Variants in WDR59 observed in about 807,000 individuals in gnomAD.
WDR59 encodes the protein WD repeat domain 59.
In WDR59, 100 loss-of-function variants were observed where a neutral mutation model predicts 131.2. The ratio of observed to expected loss-of-function variants is 0.76; its 90% CI spans 0.65 to 0.90. The LOEUF (loss-of-function observed/expected upper bound fraction) is 0.90, where lower values mean the gene tolerates loss of function less well. WDR59 is among the 40% of genes least tolerant of loss of function. WDR59 has a pLI of 0.00. For synonymous variants in WDR59, 601 were observed against 466.2 expected (o/e 1.29, Z -3.72); for missense variants, 1,203 against 1,262.2 (o/e 0.95, Z 0.71).
chr16:74,980,724 C>T (rs578243986), intron 1 of WDR59, among the ~76,000 whole-genome samples: 3 of 152,134 alleles, frequency 2.0e-5, no homozygotes, highest in South Asian at 4.1e-4. Flanking sequence ...TGTAATCCAG[C>T]GCTTTGGGAG....
intron 8 of WDR59, among the ~76,000 whole-genome samples, chr16:74,933,628 C>T (rs142544947): frequency 6.6e-6 from 1 of 152,256 alleles, no homozygotes; most frequent in East Asian, 1.9e-4. Context: ...TCTTGTCGCC[C>T]AGGCTGGAGT....
intron 1 of WDR59, among the ~76,000 whole-genome samples, chr16:74,969,255 A>AGT (rs958339428): frequency 3.3e-5 from 5 of 151,894 alleles, no homozygotes; most frequent in African/African-American, 1.2e-4. Context: ...GCTACTTATA[A>AGT]ATATATATAT....
At chr16:74,944,560 G>A (rs376951989) in intron 6 of WDR59, among the ~76,000 whole-genome samples, 3 of 151,634 alleles carry the variant, frequency 2.0e-5, no homozygotes, top group African/African-American at 4.9e-5. Context: ...TACTCACAAC[G>A]TGACTCCCTA....
At chr16:74,939,099 G>A (rs2032027560) in intron 7 of WDR59, among the ~76,000 whole-genome samples, 1 of 151,784 alleles carries the variant, frequency 6.6e-6, no homozygotes, top group East Asian at 2.0e-4. Flanking sequence ...AGGCCAAGGT[G>A]GGTGGATCAC....
intron 25 of WDR59, among the ~76,000 whole-genome samples, chr16:74,882,350 T>G (rs1964528417): frequency 1.3e-5 from 2 of 152,234 alleles, no homozygotes; most frequent in African/African-American, 2.4e-5. Flanking sequence ...GCCTTTACAT[T>G]TCTTCAAGTA....
intron 8 of WDR59, among the ~76,000 whole-genome samples, chr16:74,933,894 T>C (rs1045165256): frequency 2.6e-5 from 4 of 152,200 alleles, no homozygotes; most frequent in Admixed American, 2.0e-4. Context: ...ATTTCTTATC[T>C]TTAGACCCTT....
rs201234819 is a variant in WDR59, at chr16:74,904,044, C to A, written c.1769G>T (p.Arg590Leu). Residue 590 changes from arginine (R) to leucine (L), a missense_variant, in exon 18 of 26, where the codon CGC becomes CTC. Physicochemically the swap from Arg to Leu is moderately radical, Grantham distance 102. Transcript: ENST00000262144. ...HTGLIAPMKI[R>L]TEAPGNLRLY... ...ACGAAGGTTCCCAGGGGCCTCTGTG[C>A]GGATCTTCATGGGCGCGATCAAGCC... The A allele has an allele frequency of 1.2e-6, 2 of 1,613,092 alleles. No individual in the cohort carries two copies. The highest frequency in any genetic ancestry group is 1.7e-6 in the Non-Finnish European group (2 of 1,179,730).
Position 74,948,571 on chromosome 16 carries a change from T to C in WDR59, c.408-15A>G, listed in dbSNP as rs759369710. On this transcript the variant is annotated splice_polypyrimidine_tract_variant and intron_variant, in intron 5 of 25. Coordinates refer to ENST00000262144, the MANE Select transcript of WDR59 (RefSeq NM_030581.4). ...TCCTTGTGTCTCTGAAATATAAAAA[T>C]AAAAAATCAAATCCCCAATTTATAT... 1.4e-5 allele frequency: 22 copies of C among 1,610,710 alleles called. No homozygotes were observed. The East Asian group carries it at 4.7e-4, about 34-fold the overall frequency.
At chr16:74,955,178 G>C (rs984542558) in intron 3 of WDR59, among the ~76,000 whole-genome samples, 4 of 152,210 alleles carry the variant, frequency 2.6e-5, no homozygotes, top group Admixed American at 6.5e-5. Flanking sequence ...AATCCACTGA[G>C]TACAACAACT....
In WDR59 at chr16:74,924,269, A is replaced by C. The variant is rs2030555191; in HGVS notation, c.652-266T>G. Reference sequence around the variant, plus strand: ...CACTGTCAACAGGTTTGATTACGAAATGACCTTTAGAGCTGAAAATTCAGA... The same window carrying C: ...CACTGTCAACAGGTTTGATTACGAACTGACCTTTAGAGCTGAAAATTCAGA... On this transcript the variant is annotated intron_variant, in intron 8 of 25. Transcript: ENST00000262144. Among the ~76,000 whole-genome samples the C allele has an allele frequency of 2.6e-5, 4 of 152,186 alleles. No individual in the cohort carries two copies. The South Asian group carries it at 8.3e-4, about 32-fold the overall frequency.
intron 1 of WDR59, chr16:74,984,582 T>A: frequency 3.6e-6 from 1 of 279,136 alleles, no homozygotes; most frequent in Non-Finnish European, 7.0e-6. Context: ...AGCTGAGACT[T>A]AGAAAAGTCC....
At chr16:74,885,510 T>G (rs1448078354) in intron 25 of WDR59, 143 bp downstream of exon 25, 3 of 843,344 alleles carry the variant, frequency 3.6e-6, no homozygotes, top group Non-Finnish European at 5.0e-6. Context: ...GCTTTTCAGA[T>G]GCTTGGAATA....
At chr16:74,905,663 C>A (rs1965771591) in intron 17 of WDR59, among the ~76,000 whole-genome samples, 2 of 150,970 alleles carry the variant, frequency 1.3e-5, no homozygotes, top group Middle Eastern at 3.4e-3. Context: ...GCCTGGGCAA[C>A]AGAGCGAGAT....
intron 13 of WDR59, among the ~76,000 whole-genome samples, chr16:74,914,037 A>C (rs1966240011): frequency 6.6e-6 from 1 of 152,164 alleles, no homozygotes; most frequent in African/African-American, 2.4e-5. Context: ...CAAAAACCCC[A>C]TCTCTACTAA....
At chr16:74,913,952 A>C (rs1966234984) in intron 13 of WDR59, among the ~76,000 whole-genome samples, 1 of 152,198 alleles carries the variant, frequency 6.6e-6, no homozygotes, top group Non-Finnish European at 1.5e-5. Flanking sequence ...CACGCCTGTA[A>C]TCCCAGCACT....
Position 74,926,375 on chromosome 16 carries a change from C to T in WDR59, c.652-2372G>A, listed in dbSNP as rs73605972. Among the ~76,000 whole-genome samples, 534 of 151,902 alleles carry T rather than the reference C, an allele frequency of 3.5e-3. 3 individuals carry two copies. Among genetic ancestry groups the T allele is most frequent in the African/African-American group, 0.012 (514 of 41,430 alleles). On this transcript the variant is annotated intron_variant, in intron 8 of 25. Coordinates refer to ENST00000262144, the MANE Select transcript of WDR59 (RefSeq NM_030581.4). The stretch of plus-strand genomic sequence containing the variant: ...GCCCAGCTGATGTATAATCATTGTT[C>T]CAGAGGAAAGGAAAGAGAAGGGATG...
At chr16:74,902,810 G>C (rs778613954) in intron 18 of WDR59, among the ~76,000 whole-genome samples, 2 of 152,094 alleles carry the variant, frequency 1.3e-5, no homozygotes, top group African/African-American at 4.8e-5. Context: ...TGAATGGAAA[G>C]GACTTGGAAA....
At chr16:74,898,825 G>A (rs1487282904) in intron 18 of WDR59, among the ~76,000 whole-genome samples, 1 of 152,180 alleles carries the variant, frequency 6.6e-6, no homozygotes, top group Non-Finnish European at 1.5e-5. Context: ...GACAATCAGT[G>A]GAAATTCAGC....
At chr16:74,942,904 G>A in intron 6 of WDR59, 78 bp from the exon 7 acceptor site, 1 of 1,311,806 alleles carries the variant, frequency 7.6e-7, no homozygotes, top group Non-Finnish European at 1.1e-6. Flanking sequence ...CAGGGGAGCT[G>A]GATAATGAGT....
Sources: gnomAD v4.1 joint callset for allele counts (sites outside exome capture counted in the v4.1 genomes callset) on GRCh38, gnomAD v4.1.1 for gene constraint, MANE v1.5 for transcripts, NCBI Gene and HGNC (gene_info 2026-07-23, HGNC 2026-07-21) for gene names.